The following PROM1 variants were observed in gnomAD, a reference collection of about 807,000 sequenced individuals.
PROM1 encodes the protein prominin-1.
Under a neutral mutation model 116.9 loss-of-function variants are expected in PROM1, and 105 were observed. That is an observed-to-expected ratio of 0.90 (90% CI 0.77 to 1.06). The LOEUF (loss-of-function observed/expected upper bound fraction) is 1.06. Ranked by LOEUF, PROM1 falls within the 50% of genes least tolerant of loss-of-function variation. The pLI, the probability that PROM1 is intolerant of heterozygous loss-of-function variation, is 0.00. For missense variants in PROM1, 1,122 were observed against 1,045.2 expected (o/e 1.07, Z -1.01); for synonymous variants, 393 against 387.0 (o/e 1.02, Z -0.18).
chr4:16,036,036 G>A (rs749133490), intron 3 of PROM1, among the ~76,000 whole-genome samples: 9 of 152,186 alleles, frequency 5.9e-5, no homozygotes, highest in South Asian at 2.1e-4. Context: ...AATCGGTTAC[G>A]CAAAGGAGAA....
intron 13 of PROM1, among the ~76,000 whole-genome samples, chr4:16,005,429 T>C (rs924684477): frequency 6.6e-6 from 1 of 152,032 alleles, no homozygotes; most frequent in Non-Finnish European, 1.5e-5. Flanking sequence ...AGGGAAAGGA[T>C]TTATAATCAT....
At chr4:16,039,098 A>G in intron 2 of PROM1, 97 bp from the exon 3 acceptor site, 1 of 970,244 alleles carries the variant, frequency 1.0e-6, no homozygotes, top group East Asian at 3.4e-5. Flanking sequence ...AAATTATTAT[A>G]CCTATATTTC....
chr4:16,057,775 C>T (rs1739380337), intron 2 of PROM1, among the ~76,000 whole-genome samples: 1 of 152,004 alleles, frequency 6.6e-6, no homozygotes. Context: ...TATAGAATTA[C>T]GATAACATAA....
At chr4:16,035,805 T>G (rs763407423) in intron 3 of PROM1, 44 bp from the exon 4 acceptor site, 1 of 1,586,442 alleles carries the variant, frequency 6.3e-7, no homozygotes, top group Non-Finnish European at 8.7e-7. Context: ...AGAGGCAGCA[T>G]GCATCAAGAA....
chr4:16,081,323 T>C (rs1260370297), intron 1 of PROM1, among the ~76,000 whole-genome samples: 1 of 152,176 alleles, frequency 6.6e-6, no homozygotes, highest in Non-Finnish European at 1.5e-5. Context: ...GCTAGCCATA[T>C]GTAGAAAGCT....
chr4:16,040,723 T>A (rs533924499), intron 2 of PROM1, among the ~76,000 whole-genome samples: 1 of 152,280 alleles, frequency 6.6e-6, no homozygotes, highest in Admixed American at 6.5e-5. Context: ...TGAGAAAACA[T>A]TTATAAATAA....
chr4:16,024,630 C>A (rs536271238), intron 6 of PROM1, among the ~76,000 whole-genome samples: 42 of 152,266 alleles, frequency 2.8e-4, no homozygotes, highest in African/African-American at 9.6e-4. Context: ...TACTTCCTCT[C>A]CCATCCCCAA....
chr4:15,991,972 G>C (rs1721155063), intron 17 of PROM1, among the ~76,000 whole-genome samples: 1 of 151,040 alleles, frequency 6.6e-6, no homozygotes, highest in Admixed American at 6.6e-5. Flanking sequence ...GACCACAGAT[G>C]GGTGGTTGGG....
chr4:15,994,144 G>A, intron 15 of PROM1, 73 bp from the exon 16 acceptor site: 1 of 1,597,644 alleles, frequency 6.3e-7, no homozygotes, highest in Admixed American at 1.7e-5. Context: ...CTGAAGATGA[G>A]GAGAAAGGCT....
At position 16,009,066 on chromosome 4, in the gene PROM1, T is replaced by A; in HGVS notation, c.1184A>T (p.Asn395Ile). Reference protein sequence around the residue: ...VLNSIGSDIDNVTQRLPIQDI... With the variant: ...VLNSIGSDIDIVTQRLPIQDI... ...CTGAATAGGAAGACGCTGAGTTACA[T>A]TGTCGATATCTGAACCAATGGAATT... The change falls in exon 12 of 28, where the codon AAT becomes ATT. Residue 395 changes from asparagine to isoleucine, a missense_variant. Asn to Ile is a moderately radical substitution (Grantham distance 149). Transcript: ENST00000447510. 1 of 1,612,100 alleles carries A rather than the reference T, an allele frequency of 6.2e-7. No individual in the cohort carries two copies. Among genetic ancestry groups the A allele is most frequent in the Non-Finnish European group, 8.5e-7 (1 of 1,178,336 alleles).
At chr4:15,978,587 G>A (rs1716838569) in intron 26 of PROM1, among the ~76,000 whole-genome samples, 1 of 152,228 alleles carries the variant, frequency 6.6e-6, no homozygotes, top group African/African-American at 2.4e-5. Flanking sequence ...GGCCTTCTAA[G>A]GTGGATCTCC....
In PROM1 at chr4:16,034,269, C is replaced by CT. The variant is rs549812123; in HGVS notation, c.304-761dup. ...TTAATTTAGAAAAAAGGCTCAGACT[C>CT]TAAGTCAGGCACGTTAAACACAGGC... On this transcript the variant is annotated intron_variant, in intron 4 of 27. Coordinates refer to ENST00000447510, the MANE Select transcript of PROM1 (RefSeq NM_006017.3). Among the ~76,000 whole-genome samples the CT allele has an allele frequency of 2.2e-3, 336 of 152,284 alleles. 2 individuals carry two copies. Among genetic ancestry groups the CT allele is most frequent in the Middle Eastern group, 6.8e-3 (2 of 294 alleles).
intron 2 of PROM1, among the ~76,000 whole-genome samples, chr4:16,070,384 A>G (rs2149555505): frequency 6.6e-6 from 1 of 152,316 alleles, no homozygotes; most frequent in South Asian, 2.1e-4. Flanking sequence ...AGTTTAGAGC[A>G]GAGGGGACTT....
At chr4:15,985,026 C>T (rs55768074) in intron 22 of PROM1, among the ~76,000 whole-genome samples, 54,679 of 151,990 alleles carry the variant, frequency 0.36, 10,625 homozygotes, top group Non-Finnish European at 0.44. Flanking sequence ...CAGTTACAGT[C>T]GGCCCTCCAT....
chr4:16,025,351 T>G (rs1730982052), intron 5 of PROM1, 39 bp from the exon 6 acceptor site: 1 of 1,610,266 alleles, frequency 6.2e-7, no homozygotes, highest in South Asian at 1.1e-5. Context: ...GCATTTACTG[T>G]GTGGTCCATG....
intron 10 of PROM1, among the ~76,000 whole-genome samples, chr4:16,015,737 C>T (rs570365829): frequency 7.2e-5 from 11 of 151,898 alleles, no homozygotes; most frequent in Non-Finnish European, 1.0e-4. Flanking sequence ...TAGCTAGCTA[C>T]TTGGAGAGGG....
intron 26 of PROM1, 48 bp from the exon 27 acceptor site, chr4:15,971,130 G>C (rs968410425): frequency 2.0e-6 from 3 of 1,511,650 alleles, no homozygotes; most frequent in Admixed American, 3.9e-5. Flanking sequence ...ACAAAGCTGT[G>C]GGTGGTTTCA....
chr4:15,987,761 G>A, intron 19 of PROM1, 45 bp from the exon 20 acceptor site: 1 of 1,514,414 alleles, frequency 6.6e-7, no homozygotes, highest in South Asian at 1.2e-5. Flanking sequence ...ACATGAAGCA[G>A]CAAGATCACA....
intron 2 of PROM1, among the ~76,000 whole-genome samples, chr4:16,067,751 G>A (rs572635236): frequency 2.6e-5 from 4 of 152,150 alleles, no homozygotes; most frequent in Non-Finnish European, 5.9e-5. Context: ...TAGACACGTC[G>A]ATTTGGCTAT....
Sources: allele counts gnomAD v4.1 joint callset (sites outside exome capture counted in the v4.1 genomes callset), GRCh38; gene constraint gnomAD v4.1.1; transcripts MANE v1.5; gene names NCBI Gene and HGNC (gene_info 2026-07-23, HGNC 2026-07-21).